Variants in FAT3 observed in about 807,000 individuals in gnomAD.
The protein encoded by FAT3 is protocadherin Fat 3.
A neutral mutation model predicts 310.2 loss-of-function variants in FAT3; 95 were observed. That is an observed-to-expected ratio of 0.31 (90% confidence interval 0.26 to 0.36). The LOEUF is 0.36. FAT3 is among the 10% of genes least tolerant of loss of function. The pLI, the probability that FAT3 is intolerant of heterozygous loss-of-function variation, is 1.00. For synonymous variants in FAT3, 2,314 were observed against 2,192.9 expected, an observed-to-expected ratio of 1.06 and a Z score of -1.54; for missense variants, 5,408 against 5,715.6, an observed-to-expected ratio of 0.95 and a Z score of 1.74.
At chr11:92,735,697 G>A (rs373210611) in intron 4 of FAT3, among the ~76,000 whole-genome samples, 1 of 151,516 alleles carries the variant, frequency 6.6e-6, no homozygotes, top group Non-Finnish European at 1.5e-5. Context: ...CCATAAACCT[G>A]CGTTTAAAAC....
intron 13 of FAT3, among the ~76,000 whole-genome samples, chr11:92,815,426 C>T (rs550352701): frequency 4.6e-5 from 7 of 151,924 alleles, no homozygotes; most frequent in African/African-American, 7.2e-5. Context: ...ACAAAAAATT[C>T]GCCGGGCGTG....
At chr11:92,288,906 G>A (rs1363413647) in intron 1 of FAT3, among the ~76,000 whole-genome samples, 1 of 152,060 alleles carries the variant, frequency 6.6e-6, no homozygotes, top group Non-Finnish European at 1.5e-5. Flanking sequence ...ACCTGATCCG[G>A]AAAAAAGAAA....
At chr11:92,471,941 A>G (rs1951917885) in intron 2 of FAT3, among the ~76,000 whole-genome samples, 1 of 131,796 alleles carries the variant, frequency 7.6e-6, no homozygotes, top group Non-Finnish European at 1.6e-5. Flanking sequence ...ATATATATAT[A>G]TATATATATA....
At chr11:92,886,051 T>G (rs1024493886) in intron 24 of FAT3, among the ~76,000 whole-genome samples, 1 of 152,220 alleles carries the variant, frequency 6.6e-6, no homozygotes, top group Admixed American at 6.5e-5. Flanking sequence ...TTTGTACCAT[T>G]GCGTTACATG....
chr11:92,302,593 T>C (rs562229881), intron 1 of FAT3, among the ~76,000 whole-genome samples: 68 of 152,238 alleles, frequency 4.5e-4, no homozygotes, highest in African/African-American at 1.5e-3. Context: ...CTAACCTCTA[T>C]AGTGGCATAG....
intron 4 of FAT3, among the ~76,000 whole-genome samples, chr11:92,707,589 G>T (rs1009059270): frequency 1.1e-4 from 16 of 152,148 alleles, no homozygotes; most frequent in African/African-American, 3.6e-4. Context: ...ACAATCATGA[G>T]AACTCCTGAC....
intron 2 of FAT3, among the ~76,000 whole-genome samples, chr11:92,495,192 C>T (rs148380026): frequency 6.6e-6 from 1 of 151,962 alleles, no homozygotes; most frequent in African/African-American, 2.4e-5. Context: ...CTTATTTGAT[C>T]CACATAGCAA....
At chr11:92,245,706 T>C (rs1864871015) in intron 1 of FAT3, among the ~76,000 whole-genome samples, 1 of 152,092 alleles carries the variant, frequency 6.6e-6, no homozygotes, top group South Asian at 2.1e-4. Context: ...CCATAAACAA[T>C]ATATGAATGA....
intron 21 of FAT3, among the ~76,000 whole-genome samples, chr11:92,863,517 T>A (rs1057105105): frequency 3.9e-5 from 6 of 152,188 alleles, no homozygotes; most frequent in African/African-American, 1.4e-4. Context: ...CCTGAGAATC[T>A]AAATATTTTA....
intron 1 of FAT3, among the ~76,000 whole-genome samples, chr11:92,271,849 T>G (rs1364393443): frequency 6.6e-6 from 1 of 152,206 alleles, no homozygotes; most frequent in Admixed American, 6.5e-5. Flanking sequence ...TCTGCCTTCT[T>G]CTACGTGCTG....
At chr11:92,484,792 A>G (rs1952327307) in intron 2 of FAT3, among the ~76,000 whole-genome samples, 2 of 152,212 alleles carry the variant, frequency 1.3e-5, no homozygotes, top group Admixed American at 1.3e-4. Context: ...TTCAGCTAAT[A>G]ACCACCATTA....
In FAT3 at chr11:92,722,625, T is replaced by C. The variant is rs183896386; in HGVS notation, c.3669+25180T>C. 3.0e-3 allele frequency among the ~76,000 whole-genome samples: 455 copies of C among 152,316 alleles called. 3 individuals are homozygous for C. The highest frequency in any genetic ancestry group is 0.01 in the African/African-American group (424 of 41,568). On this transcript the variant is annotated intron_variant, in intron 4 of 27. Transcript: ENST00000525166. ...CTCACATTTCCCTTTCACACTGCCC[T>C]AGCAGAGGTTCTCCATGAGAGCCCC...
intron 19 of FAT3, among the ~76,000 whole-genome samples, chr11:92,848,683 A>G (rs1234230550): frequency 6.6e-6 from 1 of 152,246 alleles, no homozygotes; most frequent in Non-Finnish European, 1.5e-5. Context: ...GAAATGTAAT[A>G]TAGAATGGAA....
At chr11:92,869,153 T>A (rs1949322397) in intron 22 of FAT3, among the ~76,000 whole-genome samples, 1 of 152,214 alleles carries the variant, frequency 6.6e-6, no homozygotes, top group South Asian at 2.1e-4. Context: ...TGGGGGGACT[T>A]ACGTTTTCCT....
intron 2 of FAT3, among the ~76,000 whole-genome samples, chr11:92,391,627 T>G (rs1376167101): frequency 3.3e-5 from 5 of 152,208 alleles, no homozygotes; most frequent in African/African-American, 1.2e-4. Flanking sequence ...TTGTATGTAG[T>G]TTGCATCTGT....
intron 19 of FAT3, among the ~76,000 whole-genome samples, chr11:92,854,672 A>G (rs1948923584): frequency 6.6e-6 from 1 of 152,216 alleles, no homozygotes; most frequent in Non-Finnish European, 1.5e-5. Context: ...AAATGTTACC[A>G]TTATTCCTAT....
intron 1 of FAT3, among the ~76,000 whole-genome samples, chr11:92,334,937 C>T (rs1948021165): frequency 1.3e-5 from 2 of 152,146 alleles, no homozygotes; most frequent in South Asian, 4.1e-4. Context: ...TTGATTATAC[C>T]TGTGGAAATT....
chr11:92,832,427 C>T (rs1342682291), intron 14 of FAT3, among the ~76,000 whole-genome samples: 2 of 152,058 alleles, frequency 1.3e-5, no homozygotes, highest in East Asian at 3.9e-4. Flanking sequence ...ACTCTTTTTC[C>T]TCCTCCTACC....
At chr11:92,290,772 A>T (rs1393925595) in intron 1 of FAT3, among the ~76,000 whole-genome samples, 56 of 151,972 alleles carry the variant, frequency 3.7e-4, no homozygotes, top group African/African-American at 1.3e-3. Context: ...TCAAAAAAAA[A>T]ATAATAAATG....
Sources: allele counts gnomAD v4.1 joint callset (sites outside exome capture counted in the v4.1 genomes callset), GRCh38; gene constraint gnomAD v4.1.1; transcripts MANE v1.5; gene names NCBI Gene and HGNC (gene_info 2026-07-23, HGNC 2026-07-21).